The following ACTL8 variants were observed in gnomAD, a reference collection of about 807,000 sequenced individuals.
ACTL8 encodes actin-like protein 8.
In ACTL8, 3 loss-of-function variants were observed where a neutral mutation model predicts 9.3. The ratio of observed to expected loss-of-function variants is 0.32; its 90% CI spans 0.15 to 0.83. The LOEUF is 0.83. Among genes scored for constraint, ACTL8 ranks in the 40% least tolerant of loss-of-function variants. The probability of loss-of-function intolerance (pLI) is 0.57; values close to 1 mark genes in which losing one functional copy is unlikely to be tolerated. For missense variants in ACTL8, 381 were observed against 492.2 expected, an observed-to-expected ratio of 0.77 and a Z score of 2.14; for synonymous variants, 224 against 205.9, an observed-to-expected ratio of 1.09 and a Z score of -0.75.
At position 17,826,772 on chromosome 1, in the gene ACTL8, T is replaced by C. The variant is rs2053727401; in HGVS notation, c.*253T>C. On this transcript the variant is annotated 3_prime_UTR_variant, in exon 3 of 3. Transcript: ENST00000375406. This position sits in a 1 kb window ranked among gnomAD's most constrained non-coding sequence, Gnocchi z 4.5. ...ACAGTTTTTCCAGGGTGGCCTATCATTGGGGTATGAGTGGCTGACTGCCAT... is the reference window on the plus strand; with the variant it reads ...ACAGTTTTTCCAGGGTGGCCTATCACTGGGGTATGAGTGGCTGACTGCCAT... The C allele has an allele frequency of 8.6e-6, 3 of 347,432 alleles. No individual in the cohort carries two copies. The highest frequency in any genetic ancestry group is 1.6e-5 in the Non-Finnish European group (3 of 191,948). 21.5% of individuals were successfully genotyped at this position (347,432 alleles called of 1,614,324 possible).
intron 1 of ACTL8, among the ~76,000 whole-genome samples, chr1:17,817,705 C>CTTTTTTTTTTTTTTTTTTTTTT (rs34283487): frequency 6.7e-6 from 1 of 148,628 alleles, no homozygotes. Flanking sequence ...TTCTTTCTTT[C>CTTTTTTTTTTTTTTTTTTTTTT]TTTTCTTTTT....
At chr1:17,795,969 C>G (rs1401035334) in intron 1 of ACTL8, among the ~76,000 whole-genome samples, 3 of 152,180 alleles carry the variant, frequency 2.0e-5, no homozygotes, top group Admixed American at 2.0e-4. Context: ...CCCCTTTCTG[C>G]CAGGGCTGAA....
intron 1 of ACTL8, among the ~76,000 whole-genome samples, chr1:17,790,007 G>T (rs1467521922): frequency 6.6e-6 from 1 of 152,228 alleles, no homozygotes; most frequent in Non-Finnish European, 1.5e-5. Context: ...GAATGGCAAG[G>T]GGTGTGTGAG....
At chr1:17,756,280 T>C (rs2065968787) in intron 1 of ACTL8, among the ~76,000 whole-genome samples, 1 of 151,940 alleles carries the variant, frequency 6.6e-6, no homozygotes, top group Non-Finnish European at 1.5e-5. Context: ...GGGGGACTTA[T>C]CTTTGGGGAA....
Position 17,823,492 on chromosome 1 carries a change from C to T in ACTL8, c.348+136C>T. The T allele has an allele frequency of 1.2e-6, 1 of 864,322 alleles. No individual in the cohort carries two copies. Among genetic ancestry groups the T allele is most frequent in the Non-Finnish European group, 1.7e-6 (1 of 577,490 alleles). 53.5% of individuals were successfully genotyped at this position (864,322 alleles called of 1,614,324 possible). A position where few individuals can be genotyped will look rare whatever the true frequency, so the allele number is the denominator to read the frequency against. On this transcript the variant is annotated intron_variant, in intron 2 of 2. Transcript: ENST00000375406. The surrounding 1 kb of genome is among the most constrained non-coding windows in gnomAD (Gnocchi z 5.3). ...GTGTGGTGGCTTATGCCTGTAATCC[C>T]AACACTTTGGGACTCCCAGGCAGGC...
chr1:17,823,392 G>T lies in ACTL8; in HGVS notation c.348+36G>T, dbSNP rs758151936. On this transcript the variant is annotated intron_variant, in intron 2 of 2. Transcript: ENST00000375406. The surrounding 1 kb of genome is among the most constrained non-coding windows in gnomAD (Gnocchi z 5.3). ...CCGGGGCCTGCTCCCACTCGGGAGC[G>T]GGAAACAGACTGACACTATGTCTGG... 1.3e-5 allele frequency: 20 copies of T among 1,560,630 alleles called. No individual in the cohort carries two copies. Among genetic ancestry groups the T allele is most frequent in the Non-Finnish European group, 1.7e-5 (19 of 1,146,340 alleles).
intron 1 of ACTL8, among the ~76,000 whole-genome samples, chr1:17,815,231 A>C (rs1453499143): frequency 6.6e-6 from 1 of 152,164 alleles, no homozygotes; most frequent in African/African-American, 2.4e-5. Context: ...ATACTTTATA[A>C]TTTTTTAAAT....
intron 1 of ACTL8, among the ~76,000 whole-genome samples, chr1:17,821,250 C>T (rs1026480070): frequency 2.6e-5 from 4 of 152,070 alleles, no homozygotes; most frequent in African/African-American, 7.2e-5. Context: ...TAGTAAATAG[C>T]GTCTTTGGAA....
Position 17,822,974 on chromosome 1 carries a change from T to C in ACTL8, c.-24-11T>C, listed in dbSNP as rs1276806728. The C allele has an allele frequency of 8.2e-6, 13 of 1,581,788 alleles. No homozygotes were observed. In the Admixed American group the frequency reaches 1.6e-4, roughly 19 times the overall value. Reference sequence around the variant, plus strand: ...TGCCTGCACAACTAACCCCATCCTTTGCTTCCGCAGGTCCCACCCACCTCT... The same window carrying C: ...TGCCTGCACAACTAACCCCATCCTTCGCTTCCGCAGGTCCCACCCACCTCT... On this transcript the variant is annotated splice_polypyrimidine_tract_variant and intron_variant, in intron 1 of 2. Coordinates refer to ENST00000375406, the MANE Select transcript of ACTL8 (RefSeq NM_030812.3).
chr1:17,826,267 C>G lies in ACTL8; in HGVS notation c.849C>G (p.Cys283Trp). ...CCATTGTGGAATCCGTGGAGTCCTG[C>G]GAGATCTCCCTGCGCCCCCTGCTGG... Reference protein sequence around the residue: ...PRAIVESVESCEISLRPLLVS... With the variant: ...PRAIVESVESWEISLRPLLVS... The change falls in exon 3 of 3, where the codon TGC becomes TGG. Residue 283 changes from cysteine to tryptophan, a missense_variant. Cys to Trp is a radical substitution (Grantham distance 215, BLOSUM62 -2). Coordinates refer to ENST00000375406, the MANE Select transcript of ACTL8 (RefSeq NM_030812.3). The surrounding 1 kb of genome is among the most constrained non-coding windows in gnomAD (Gnocchi z 4.5). 6.2e-7 allele frequency: 1 copy of G among 1,612,128 alleles called. No homozygotes were observed. The highest frequency in any genetic ancestry group is 8.5e-7 in the Non-Finnish European group (1 of 1,178,702).
At chr1:17,803,340 T>G (rs906707086) in intron 1 of ACTL8, among the ~76,000 whole-genome samples, 1 of 152,230 alleles carries the variant, frequency 6.6e-6, no homozygotes, top group African/African-American at 2.4e-5. Context: ...CTCTTTCCTT[T>G]ATAAATTACC....
chr1:17,795,871 A>G (rs183128025), intron 1 of ACTL8, among the ~76,000 whole-genome samples: 4 of 152,308 alleles, frequency 2.6e-5, no homozygotes, highest in East Asian at 1.9e-4. Flanking sequence ...TTCATCCTCA[A>G]GATGAGCTCG....
intron 1 of ACTL8, among the ~76,000 whole-genome samples, chr1:17,809,494 G>A (rs2066380308): frequency 6.6e-6 from 1 of 152,176 alleles, no homozygotes; most frequent in South Asian, 2.1e-4. Flanking sequence ...TTGGGAACTA[G>A]GCAACAGGAG....
intron 1 of ACTL8, among the ~76,000 whole-genome samples, chr1:17,810,547 G>T (rs1366912108): frequency 1.3e-5 from 2 of 152,054 alleles, no homozygotes; most frequent in African/African-American, 4.8e-5. Flanking sequence ...ATGTCATGTG[G>T]CGAGACTCGC....
chr1:17,781,777 AT>A (rs2066156621), intron 1 of ACTL8, among the ~76,000 whole-genome samples: 1 of 152,132 alleles, frequency 6.6e-6, no homozygotes, highest in African/African-American at 2.4e-5. Flanking sequence ...GTAAAATCCC[AT>A]GCATACATTT....
At chr1:17,789,425 A>C (rs945404706) in intron 1 of ACTL8, among the ~76,000 whole-genome samples, 9 of 151,792 alleles carry the variant, frequency 5.9e-5, no homozygotes, top group African/African-American at 2.2e-4. Flanking sequence ...TTTTCTTTCC[A>C]AGATATCTTC....
intron 1 of ACTL8, among the ~76,000 whole-genome samples, chr1:17,787,004 G>T (rs2066202466): frequency 6.6e-6 from 1 of 151,882 alleles, no homozygotes; most frequent in Non-Finnish European, 1.5e-5. Context: ...GCCTGGCCCT[G>T]ACAGTTTTAG....
chr1:17,772,378 G>T (rs1183899192), intron 1 of ACTL8, among the ~76,000 whole-genome samples: 1 of 152,110 alleles, frequency 6.6e-6, no homozygotes, highest in Non-Finnish European at 1.5e-5. Flanking sequence ...GCACTTCAGG[G>T]CCTGTGAAGG....
chr1:17,778,614 G>A (rs571948357), intron 1 of ACTL8, among the ~76,000 whole-genome samples: 27 of 152,222 alleles, frequency 1.8e-4, no homozygotes, highest in African/African-American at 6.0e-4. Flanking sequence ...CATTCTAGTC[G>A]CACAGCTGTA....
Sources: gnomAD v4.1 joint callset for allele counts (sites outside exome capture counted in the v4.1 genomes callset) on GRCh38, gnomAD v4.1.1 for gene constraint, Gnocchi (gnomAD v3.1) non-coding constraint, MANE v1.5 for transcripts, NCBI Gene and HGNC (gene_info 2026-07-23, HGNC 2026-07-21) for gene names.